The following SSBP3 variants were observed in gnomAD, a reference collection of about 807,000 sequenced individuals.
SSBP3 encodes single stranded DNA binding protein 3.
In SSBP3, 5 loss-of-function variants were observed where a neutral mutation model predicts 69.6. The ratio of observed to expected loss-of-function variants is 0.07; its 90% confidence interval spans 0.04 to 0.15. SSBP3 has a LOEUF of 0.15. Ranked by LOEUF, SSBP3 falls within the 10% of genes least tolerant of loss-of-function variation. SSBP3 has a pLI of 1.00. For synonymous variants in SSBP3, 196 were observed against 193.4 expected, an observed-to-expected ratio of 1.01 and a Z score of -0.11; for missense variants, 312 against 534.0, an observed-to-expected ratio of 0.58 and a Z score of 4.10.
intron 13 of SSBP3, among the ~76,000 whole-genome samples, chr1:54,239,632 T>C (rs556683561): frequency 1.3e-5 from 2 of 152,266 alleles, no homozygotes; most frequent in East Asian, 3.9e-4. Context: ...GCCAGGCTGA[T>C]GGGGCAGGAG....
chr1:54,261,970 C>A (rs1645024166), intron 5 of SSBP3, among the ~76,000 whole-genome samples: 1 of 152,150 alleles, frequency 6.6e-6, no homozygotes, highest in African/African-American at 2.4e-5. Flanking sequence ...TGTGACCTCT[C>A]CAAGACCACA....
chr1:54,352,009 A>AT (rs1646787974), intron 4 of SSBP3, among the ~76,000 whole-genome samples: 1 of 152,130 alleles, frequency 6.6e-6, no homozygotes, highest in African/African-American at 2.4e-5. Context: ...AAGACCCCCG[A>AT]TCTTGGCCAG....
chr1:54,328,207 A>T (rs76042442), intron 4 of SSBP3, among the ~76,000 whole-genome samples: 3 of 152,092 alleles, frequency 2.0e-5, no homozygotes, highest in Admixed American at 2.0e-4. Flanking sequence ...CGCAGCGAAC[A>T]ATGAGTCAGA....
rs148391950 is a variant in SSBP3 at position 54,345,655 on chromosome 1, G to A, written c.276+56206C>T. ...AAGTAACTAGCGTCTCACCCCAAACGCCAAGCAAAGTCTCTGTGCCTGACC... is the reference window on the plus strand; with the variant it reads ...AAGTAACTAGCGTCTCACCCCAAACACCAAGCAAAGTCTCTGTGCCTGACC... On this transcript the variant is annotated intron_variant, in intron 4 of 17. Coordinates refer to ENST00000610401, the Ensembl canonical transcript of SSBP3. 3.1e-3 allele frequency among the ~76,000 whole-genome samples: 467 copies of A among 152,210 alleles called. 3 individuals carry two copies. Among genetic ancestry groups the A allele is most frequent in the African/African-American group, 0.011 (453 of 41,524 alleles).
chr1:54,243,004 T>C (rs1413731250), intron 10 of SSBP3: 2 of 523,048 alleles, frequency 3.8e-6, no homozygotes, highest in Admixed American at 3.3e-5. Context: ...ATCATGAAGA[T>C]GAGGTGAGCT....
chr1:54,337,869 C>T (rs190722525), intron 4 of SSBP3, among the ~76,000 whole-genome samples: 2 of 152,290 alleles, frequency 1.3e-5, no homozygotes, highest in Admixed American at 1.3e-4. Flanking sequence ...TGGCTCACGT[C>T]TGTAACCCCA....
At chr1:54,257,901 CT>C (rs1360425799) in intron 6 of SSBP3, among the ~76,000 whole-genome samples, 167 bp downstream of exon 6, 1 of 152,206 alleles carries the variant, frequency 6.6e-6, no homozygotes, top group Admixed American at 6.5e-5. Context: ...TATCCGAGGA[CT>C]GAAGACTATC....
intron 14 of SSBP3, among the ~76,000 whole-genome samples, chr1:54,235,942 G>C (rs1644484699): frequency 6.6e-6 from 1 of 152,134 alleles, no homozygotes; most frequent in African/African-American, 2.4e-5. Context: ...GACATTTTTT[G>C]AGTTCTCAAG....
intron 6 of SSBP3, among the ~76,000 whole-genome samples, chr1:54,257,478 A>C (rs1216712431): frequency 6.6e-6 from 1 of 152,144 alleles, no homozygotes; most frequent in South Asian, 2.1e-4. Flanking sequence ...AAATCAACGC[A>C]GGGCGGAGGA....
chr1:54,355,817 C>CCCTCTATCCACA (rs1553144621), intron 4 of SSBP3, among the ~76,000 whole-genome samples: 13 of 152,240 alleles, frequency 8.5e-5, no homozygotes, highest in Admixed American at 7.8e-4. Flanking sequence ...CTGCGTACAT[C>CCCTCTATCCACA]CCTCTATCCA....
intron 4 of SSBP3, among the ~76,000 whole-genome samples, chr1:54,391,745 C>G (rs943427041): frequency 1.3e-5 from 2 of 152,224 alleles, no homozygotes; most frequent in African/African-American, 4.8e-5. Context: ...AAACAGCTGT[C>G]ACCAGGAGGG....
chr1:54,307,919 G>A (rs990135568), intron 4 of SSBP3, among the ~76,000 whole-genome samples: 2 of 152,198 alleles, frequency 1.3e-5, no homozygotes, highest in African/African-American at 4.8e-5. Flanking sequence ...GGGCTGCTCT[G>A]TCTATAGAGT....
chr1:54,230,250 G>A (rs1644358771), intron 14 of SSBP3, among the ~76,000 whole-genome samples: 1 of 152,134 alleles, frequency 6.6e-6, no homozygotes. Context: ...CAGCTCACAG[G>A]CTTTTGGGCA....
At position 54,228,201 on chromosome 1, in the gene SSBP3, G is replaced by T. The variant is rs568357592; in HGVS notation, c.1137+54C>A. 3.3e-6 allele frequency: 5 copies of T among 1,537,446 alleles called. No homozygotes were observed. In the African/African-American group the frequency reaches 5.5e-5, roughly 17 times the overall value. On this transcript the variant is annotated intron_variant, in intron 17 of 17. Transcript: ENST00000610401. The stretch of plus-strand genomic sequence containing the variant: ...GGCTCCGTAGCTCGCAACTTGTTAG[G>T]AAAGAGTCCCCAGGCCGTGGGGACG...
intron 4 of SSBP3, among the ~76,000 whole-genome samples, chr1:54,337,200 A>G (rs1396954080): frequency 1.3e-5 from 2 of 152,082 alleles, no homozygotes; most frequent in African/African-American, 4.8e-5. Context: ...CTCTGGCCAC[A>G]CACCTCCACC....
chr1:54,290,369 C>T (rs1300631648), intron 4 of SSBP3, among the ~76,000 whole-genome samples: 1 of 152,200 alleles, frequency 6.6e-6, no homozygotes, highest in African/African-American at 2.4e-5. Context: ...CAACCGGCGG[C>T]CCAGAGCCAG....
At chr1:54,317,357 T>G (rs938521365) in intron 4 of SSBP3, among the ~76,000 whole-genome samples, 1 of 151,912 alleles carries the variant, frequency 6.6e-6, no homozygotes, top group Non-Finnish European at 1.5e-5. Context: ...GGCAACACAG[T>G]GAAAACTTGT....
chr1:54,241,593 CTT>C, intron 11 of SSBP3, 84 bp from the exon 12 acceptor site: 1 of 1,461,436 alleles, frequency 6.8e-7, no homozygotes, highest in Middle Eastern at 2.3e-4. Flanking sequence ...ACGACCCACT[CTT>C]CACAGGAAAG....
intron 4 of SSBP3, chr1:54,286,975 C>T (rs996169477): frequency 6.6e-6 from 1 of 152,280 alleles, no homozygotes; most frequent in African/African-American, 2.4e-5. Flanking sequence ...TCATCCCACC[C>T]TGAGAGAGAA....
Sources: gnomAD v4.1 joint callset for allele counts (sites outside exome capture counted in the v4.1 genomes callset) on GRCh38, gnomAD v4.1.1 for gene constraint, MANE v1.5 for transcripts, NCBI Gene and HGNC (gene_info 2026-07-23, HGNC 2026-07-21) for gene names.